SPRY3: variants seen among roughly 807,000 people sequenced by gnomAD.
SPRY3 encodes the protein protein sprouty homolog 3.
In SPRY3, 15 loss-of-function variants were observed where a neutral mutation model predicts 20.2. The ratio of observed to expected loss-of-function variants is 0.74; its 90% confidence interval spans 0.50 to 1.14. The LOEUF (loss-of-function observed/expected upper bound fraction) is 1.14. Among genes scored for constraint, SPRY3 ranks in the 50% most tolerant of loss-of-function variants. The pLI, the probability that SPRY3 is intolerant of heterozygous loss-of-function variation, is 0.00. For synonymous variants in SPRY3, 143 were observed against 136.5 expected (o/e 1.05, Z -0.33); for missense variants, 364 against 363.9 (o/e 1.00, Z 0.00).
chrX:155,729,986 C>A (rs2091122825), intron 2 of SPRY3, among the ~76,000 whole-genome samples: 2 of 152,074 alleles, frequency 1.3e-5, no homozygotes, highest in Non-Finnish European at 2.9e-5. Context: ...ACACATACAA[C>A]CTACTAAGAT....
chrX:155,622,214 C>T (rs1415476849), intron 1 of SPRY3, among the ~76,000 whole-genome samples: 2 of 112,132 alleles, frequency 1.8e-5, no homozygotes, highest in African/African-American at 6.5e-5. Flanking sequence ...AGAGGACTAA[C>T]AAGAAATTAT....
At chrX:155,760,748 T>C (rs1185674211) in intron 2 of SPRY3, among the ~76,000 whole-genome samples, 1 of 152,096 alleles carries the variant, frequency 6.6e-6, no homozygotes, top group Non-Finnish European at 1.5e-5. Context: ...TTCACGCTCC[T>C]ATGAAAATCT....
chrX:155,751,571 G>A (rs2091262177), intron 2 of SPRY3, among the ~76,000 whole-genome samples: 1 of 151,886 alleles, frequency 6.6e-6, no homozygotes, highest in Non-Finnish European at 1.5e-5. Context: ...AGACGTTTGA[G>A]TTGTGACTTC....
At chrX:155,656,216 C>T (rs1287083221) in intron 1 of SPRY3, among the ~76,000 whole-genome samples, 2 of 111,278 alleles carry the variant, frequency 1.8e-5, no homozygotes, top group Non-Finnish European at 3.8e-5. Flanking sequence ...CCATTCTTCC[C>T]ATCACTTTCA....
chrX:155,716,100 T>C (rs1209775939), intron 2 of SPRY3, among the ~76,000 whole-genome samples: 1 of 152,182 alleles, frequency 6.6e-6, no homozygotes, highest in Admixed American at 6.5e-5. Context: ...TAAAATTTGG[T>C]GTTCCAGCAG....
chrX:155,667,465 C>A (rs1234310639), intron 2 of SPRY3, among the ~76,000 whole-genome samples: 1 of 110,881 alleles, frequency 9.0e-6, no homozygotes, highest in Non-Finnish European at 1.9e-5. Flanking sequence ...AGGACAACCC[C>A]TCTACTATAA....
intron 1 of SPRY3, among the ~76,000 whole-genome samples, chrX:155,654,686 GGTGTGT>G (rs3067500): frequency 0.47 from 40,337 of 85,659 alleles, 8,838 homozygotes; most frequent in Non-Finnish European, 0.6. Context: ...AGTATTCCAT[GGTGTGT>G]GTGTGTGTGT....
chrX:155,704,728 A>C (rs1035025868), intron 2 of SPRY3, among the ~76,000 whole-genome samples: 1 of 151,610 alleles, frequency 6.6e-6, no homozygotes, highest in African/African-American at 2.4e-5. Context: ...ATTTTATTCA[A>C]ACTGCTGGAA....
At chrX:155,644,537 C>A (rs782184283) in intron 1 of SPRY3, among the ~76,000 whole-genome samples, 35 of 111,117 alleles carry the variant, frequency 3.1e-4, no homozygotes, top group Admixed American at 8.6e-4. Context: ...CTGTGTCTGA[C>A]CCCGCACTCA....
intron 1 of SPRY3, among the ~76,000 whole-genome samples, chrX:155,650,105 A>G (rs782346559): frequency 1.1e-4 from 12 of 111,731 alleles, no homozygotes; most frequent in Non-Finnish European, 1.5e-4. Context: ...CGAGGAAATA[A>G]GAGAGGACAC....
chrX:155,675,626 A>G (rs1463041543), intron 2 of SPRY3, among the ~76,000 whole-genome samples: 1 of 111,730 alleles, frequency 9.0e-6, no homozygotes, highest in Non-Finnish European at 1.9e-5. Flanking sequence ...CCAAATGACT[A>G]TAAATTAGCC....
chrX:155,705,869 T>C (rs1404981518), intron 2 of SPRY3, among the ~76,000 whole-genome samples: 1 of 151,346 alleles, frequency 6.6e-6, no homozygotes, highest in Non-Finnish European at 1.5e-5. Context: ...GCACATAGTA[T>C]ATGAAGCACT....
At chrX:155,659,584 T>C (rs1399473055) in intron 2 of SPRY3, among the ~76,000 whole-genome samples, 2 of 111,372 alleles carry the variant, frequency 1.8e-5, no homozygotes, top group African/African-American at 6.5e-5. Context: ...TTCCTTCCTC[T>C]TTGATTTTTG....
At chrX:155,692,555 C>T (rs1321745941) in intron 2 of SPRY3, among the ~76,000 whole-genome samples, 4 of 111,053 alleles carry the variant, frequency 3.6e-5, no homozygotes, top group African/African-American at 1.3e-4. Context: ...ATCAACTTGT[C>T]AATGTTTATA....
At chrX:155,766,985 G>C (rs945088479) in intron 2 of SPRY3, among the ~76,000 whole-genome samples, 3 of 152,066 alleles carry the variant, frequency 2.0e-5, no homozygotes, top group African/African-American at 4.8e-5. Context: ...GCAATCACTC[G>C]GCACAGGCTG....
intron 2 of SPRY3, among the ~76,000 whole-genome samples, chrX:155,740,405 C>T (rs921249825): frequency 2.0e-5 from 3 of 152,028 alleles, no homozygotes; most frequent in Non-Finnish European, 4.4e-5. Flanking sequence ...TATAAACGGA[C>T]GTGCAAGTAG....
At chrX:155,721,679 A>C (rs984020601) in intron 2 of SPRY3, among the ~76,000 whole-genome samples, 2 of 151,854 alleles carry the variant, frequency 1.3e-5, no homozygotes, top group African/African-American at 2.4e-5. Flanking sequence ...AAAAAAAAAA[A>C]CTTTATCCTA....
At chrX:155,704,937 A>G (rs2090939726) in intron 2 of SPRY3, among the ~76,000 whole-genome samples, 1 of 151,602 alleles carries the variant, frequency 6.6e-6, no homozygotes. Context: ...AATGAAGGTG[A>G]AATAAAAACT....
chrX:155,686,306 C>T (rs924095848), intron 2 of SPRY3, among the ~76,000 whole-genome samples: 2 of 111,096 alleles, frequency 1.8e-5, no homozygotes, highest in Non-Finnish European at 3.8e-5. Context: ...CTTCTTTGTA[C>T]GCCAGCTGGT....
Sources: allele counts gnomAD v4.1 joint callset (sites outside exome capture counted in the v4.1 genomes callset), GRCh38; gene constraint gnomAD v4.1.1; transcripts MANE v1.5; gene names NCBI Gene and HGNC (gene_info 2026-07-23, HGNC 2026-07-21).